The following SMC5 variants were observed in gnomAD, a reference collection of about 807,000 sequenced individuals.
The protein encoded by SMC5 is structural maintenance of chromosomes protein 5.
A neutral mutation model predicts 148.3 loss-of-function variants in SMC5; 88 were observed. The ratio of observed to expected loss-of-function variants is 0.59; its 90% CI spans 0.50 to 0.71. The LOEUF (loss-of-function observed/expected upper bound fraction) is 0.71, where lower values mean the gene tolerates loss of function less well. Ranked by LOEUF, SMC5 falls within the 30% of genes least tolerant of loss-of-function variation. The pLI, the probability that SMC5 is intolerant of heterozygous loss-of-function variation, is 0.00. For synonymous variants in SMC5, 421 were observed against 432.8 expected, an observed-to-expected ratio of 0.97 and a Z score of 0.34; for missense variants, 1,142 against 1,298.9, an observed-to-expected ratio of 0.88 and a Z score of 1.86.
rs748788617 is a variant in SMC5 at position 70,318,899 on chromosome 9, G to A, written c.2086G>A (p.Glu696Lys). The change falls in exon 15 of 25, where the codon GAG becomes AAG. Residue 696 changes from glutamate to lysine, a missense_variant. By Grantham distance (56) the Glu-to-Lys change is moderately conservative. Coordinates refer to ENST00000361138, the MANE Select transcript of SMC5 (RefSeq NM_015110.4). The stretch of plus-strand genomic sequence containing the variant: ...CAATGAACTTAGACAAAAGAAGAAG[G>A]AGCTTCTTGAGAGAAAAACCAAGAA... ...KDNELRQKKK[E>K]LLERKTKKRQ... is the part of the protein sequence containing the mutation. 4.2e-5 allele frequency: 67 copies of A among 1,611,514 alleles called. No homozygotes were observed. Among genetic ancestry groups the A allele is most frequent in the Non-Finnish European group, 5.5e-5 (65 of 1,179,070 alleles).
rs201218742 is a variant in SMC5 at position 70,337,450 on chromosome 9, GTTTTTTT to G, written c.2398-6676_2398-6670del. Among the ~76,000 whole-genome samples the G allele has an allele frequency of 3.2e-3, 381 of 119,956 alleles. 3 individuals carry two copies. Among genetic ancestry groups the G allele is most frequent in the African/African-American group, 0.015 (350 of 23,694 alleles). 78.7% of individuals were successfully genotyped at this position (119,956 alleles called of 152,430 possible). On this transcript the variant is annotated intron_variant, in intron 17 of 24. Coordinates refer to ENST00000361138, the MANE Select transcript of SMC5 (RefSeq NM_015110.4). The stretch of plus-strand genomic sequence containing the variant: ...GGATAAATACTGTGTTTTGGGATTT[GTTTTTTT>G]TTTTTTTTTTTTTTTTTGGAGACAG...
In SMC5 at chr9:70,282,453, A is replaced by T; in HGVS notation, c.851A>T (p.Glu284Val). The change falls in exon 7 of 25, where the codon GAA becomes GTA. Residue 284 changes from glutamate (E) to valine (V), a missense_variant. Physicochemically the swap from Glu to Val is moderately radical, Grantham distance 121 (BLOSUM62 -2). Coordinates refer to ENST00000361138, the MANE Select transcript of SMC5 (RefSeq NM_015110.4). Reference protein sequence around the residue: ...EYENVRQEYEEVKLVRDRVKE... With the variant: ...EYENVRQEYEVVKLVRDRVKE... ...GAAAATGTTCGTCAGGAATATGAAG[A>T]AGTAAAACTAGTTCGTGACCGAGTG... 1 of 1,601,560 alleles carries T rather than the reference A, an allele frequency of 6.2e-7. No homozygotes were observed. Among genetic ancestry groups the T allele is most frequent in the Middle Eastern group, 1.7e-4 (1 of 6,040 alleles).
intron 3 of SMC5, among the ~76,000 whole-genome samples, chr9:70,269,608 A>G (rs796128981): frequency 1.3e-5 from 2 of 152,210 alleles, no homozygotes; most frequent in African/African-American, 4.8e-5. Context: ...AAAAAAGTCA[A>G]TCCTTTGTAA....
Position 70,259,249 on chromosome 9 carries a change from G to C in SMC5, c.171G>C (p.Ser57=), listed in dbSNP as rs929615251. The change falls in exon 1 of 25, where the codon TCG becomes TCC. Residue 57 remains serine, a synonymous_variant. Transcript: ENST00000361138. ...PFVEGSIVRI[S]MENFLTYDIC... is the part of the protein sequence containing the mutation. ...TGGAAGGCTCTATCGTCCGCATCTC[G>C]ATGGAGAACTTCCTGTAAGTTGCCC... is the stretch of plus-strand genomic sequence containing the variant. 1 of 1,589,474 alleles carries C rather than the reference G, an allele frequency of 6.3e-7. No homozygotes were observed. The highest frequency in any genetic ancestry group is 8.6e-7 in the Non-Finnish European group (1 of 1,167,122).
intron 10 of SMC5, among the ~76,000 whole-genome samples, chr9:70,302,907 G>T (rs959472366): frequency 6.6e-6 from 1 of 152,102 alleles, no homozygotes; most frequent in Non-Finnish European, 1.5e-5. Flanking sequence ...GGGGGCCTTG[G>T]AATCTGACAT....
At chr9:70,333,556 C>T (rs2036279064) in intron 17 of SMC5, among the ~76,000 whole-genome samples, 1 of 151,902 alleles carries the variant, frequency 6.6e-6, no homozygotes, top group African/African-American at 2.4e-5. Flanking sequence ...CATGGCAAAA[C>T]CCTGTCTCTA....
At chr9:70,328,463 A>C (rs927974961) in intron 17 of SMC5, among the ~76,000 whole-genome samples, 1 of 152,216 alleles carries the variant, frequency 6.6e-6, no homozygotes, top group African/African-American at 2.4e-5. Flanking sequence ...GCAACCCTGC[A>C]GGGCAAACAT....
intron 7 of SMC5, 105 bp downstream of exon 7, chr9:70,282,688 T>C: frequency 8.5e-7 from 1 of 1,170,560 alleles, no homozygotes; most frequent in African/African-American, 1.6e-5. Context: ...CTTGTATCTT[T>C]CATTTCTTAA....
intron 1 of SMC5, among the ~76,000 whole-genome samples, chr9:70,262,018 G>A (rs2034152415): frequency 6.6e-6 from 1 of 152,220 alleles, no homozygotes. Flanking sequence ...GTAGCTGGAA[G>A]TGCAGAGGTT....
chr9:70,323,642 G>A (rs2036005027), intron 16 of SMC5, 36 bp downstream of exon 16: 1 of 1,585,872 alleles, frequency 6.3e-7, no homozygotes, highest in East Asian at 2.3e-5. Context: ...ATTTTTTAAA[G>A]GAAATAGCGG....
chr9:70,344,173 A>G lies in SMC5; in HGVS notation c.2427A>G (p.Arg809=), dbSNP rs1188619770. 2 of 1,553,364 alleles carry G rather than the reference A, an allele frequency of 1.3e-6. No individual in the cohort carries two copies. Among genetic ancestry groups the G allele is most frequent in the Non-Finnish European group, 1.7e-6 (2 of 1,147,822 alleles). Residue 809 remains arginine (R), a synonymous_variant, in exon 18 of 25, where the codon AGA becomes AGG. Coordinates refer to ENST00000361138, the MANE Select transcript of SMC5 (RefSeq NM_015110.4). ...EQHFIELDEN[R]QRLLQKCKEL... The stretch of plus-strand genomic sequence containing the variant: ...ATTTCATTGAATTGGATGAAAATAG[A>G]CAGAGATTATTGCAGAAATGCAAGG...
At chr9:70,276,383 C>A (rs780558991) in intron 3 of SMC5, among the ~76,000 whole-genome samples, 2 of 152,146 alleles carry the variant, frequency 1.3e-5, no homozygotes, top group Admixed American at 1.3e-4. Context: ...ATGATGTTAG[C>A]CAGAATTCCT....
At chr9:70,350,071 C>A in intron 22 of SMC5, 43 bp from the exon 23 acceptor site, 1 of 1,404,358 alleles carries the variant, frequency 7.1e-7, no homozygotes, top group Non-Finnish European at 9.7e-7. Context: ...AATGACATTA[C>A]CAGAGGAAAC....
chr9:70,322,699 G>A (rs900911040), intron 15 of SMC5, among the ~76,000 whole-genome samples: 5 of 152,124 alleles, frequency 3.3e-5, no homozygotes, highest in African/African-American at 1.2e-4. Flanking sequence ...ATCCGGGCAT[G>A]GCGGTGGGCG....
chr9:70,331,393 A>G (rs1192403144), intron 17 of SMC5, among the ~76,000 whole-genome samples: 2 of 151,096 alleles, frequency 1.3e-5, no homozygotes, highest in Non-Finnish European at 3.0e-5. Context: ...TAAACAAATC[A>G]ACTACTTTTA....
At chr9:70,285,971 G>A (rs1175665752) in intron 7 of SMC5, among the ~76,000 whole-genome samples, 1 of 152,126 alleles carries the variant, frequency 6.6e-6, no homozygotes, top group Non-Finnish European at 1.5e-5. Context: ...GAAGATAAAT[G>A]TAAAGAGAAA....
intron 6 of SMC5, among the ~76,000 whole-genome samples, chr9:70,281,535 T>C (rs542178216): frequency 6.4e-4 from 97 of 152,356 alleles, no homozygotes; most frequent in African/African-American, 2.3e-3. Flanking sequence ...TTATTAAGAC[T>C]ACAGTTCGGG....
intron 18 of SMC5, chr9:70,346,381 T>G: frequency 1.7e-6 from 1 of 581,436 alleles, no homozygotes; most frequent in East Asian, 2.8e-5. Flanking sequence ...CAGGTTGTGC[T>G]AGGCCAAACA....
chr9:70,328,229 C>T lies in SMC5; in HGVS notation c.2397+4086C>T, dbSNP rs144617399. On this transcript the variant is annotated intron_variant, in intron 17 of 24. Transcript: ENST00000361138. ...TATTTCAGAACACAATCATGCCCTC[C>T]CAGCAGTCCCCCAAAGTCTTAACTC... 2.7e-3 allele frequency among the ~76,000 whole-genome samples: 411 copies of T among 152,276 alleles called. 1 individual carries two copies. The highest frequency in any genetic ancestry group is 5.0e-3 in the Non-Finnish European group (340 of 68,006).
Sources: allele counts gnomAD v4.1 joint callset (sites outside exome capture counted in the v4.1 genomes callset), GRCh38; gene constraint gnomAD v4.1.1; transcripts MANE v1.5; gene names NCBI Gene and HGNC (gene_info 2026-07-23, HGNC 2026-07-21).